Variants in MACROD2 observed in about 807,000 individuals in gnomAD.
MACROD2 encodes the protein ADP-ribose glycohydrolase MACROD2.
In MACROD2, 36 loss-of-function variants were observed where a neutral mutation model predicts 70.4. The ratio of observed to expected loss-of-function variants is 0.51; its 90% CI spans 0.39 to 0.68. MACROD2 has a LOEUF of 0.68. Among genes scored for constraint, MACROD2 ranks in the 30% least tolerant of loss-of-function variants. MACROD2 has a pLI of 0.00. For synonymous variants in MACROD2, 172 were observed against 178.8 expected (o/e 0.96, Z 0.30); for missense variants, 496 against 538.4 (o/e 0.92, Z 0.78).
intron 4 of MACROD2, among the ~76,000 whole-genome samples, chr20:14,620,451 T>C (rs975556874): frequency 1.3e-5 from 2 of 152,122 alleles, no homozygotes; most frequent in African/African-American, 4.8e-5. Flanking sequence ...CCAATTCTGA[T>C]AGGGAACATA....
intron 5 of MACROD2, among the ~76,000 whole-genome samples, chr20:15,111,242 G>T (rs2075953254): frequency 6.7e-6 from 1 of 149,204 alleles, no homozygotes; most frequent in South Asian, 2.1e-4. Flanking sequence ...GCGCAATCTC[G>T]GCTCACTGCA....
At position 15,268,622 on chromosome 20, in the gene MACROD2, C is replaced by T. The variant is rs139371730; in HGVS notation, c.540+38561C>T. On this transcript the variant is annotated intron_variant, in intron 6 of 17. Coordinates refer to ENST00000684519, the MANE Select transcript of MACROD2 (RefSeq NM_001351661.2). Reference sequence around the variant, plus strand: ...GGGCTGAGATTGCGCCACTGCACTCCAGCCTGGGTGACAGAGCGAGACTCA... The same window carrying T: ...GGGCTGAGATTGCGCCACTGCACTCTAGCCTGGGTGACAGAGCGAGACTCA... 1.4e-4 allele frequency among the ~76,000 whole-genome samples: 22 copies of T among 152,326 alleles called. No individual in the cohort carries two copies. The East Asian group carries it at 4.3e-3, about 29-fold the overall frequency.
At chr20:14,757,623 T>C in intron 5 of MACROD2, 1 of 1,193,498 alleles carries the variant, frequency 8.4e-7, no homozygotes, top group South Asian at 1.3e-5. Flanking sequence ...GAGGGAGTCA[T>C]GGTGGCCAAG....
intron 5 of MACROD2, among the ~76,000 whole-genome samples, chr20:14,860,780 C>A (rs1172689550): frequency 1.3e-5 from 2 of 152,054 alleles, no homozygotes; most frequent in African/African-American, 2.4e-5. Flanking sequence ...CTAGTGCCAG[C>A]AAATGAAATT....
intron 5 of MACROD2, among the ~76,000 whole-genome samples, chr20:14,745,916 G>A (rs2071793884): frequency 1.3e-5 from 2 of 152,106 alleles, no homozygotes. Context: ...GAATATGGAT[G>A]CAGTCCCTCC....
At chr20:14,034,312 T>C (rs1187028096) in intron 2 of MACROD2, among the ~76,000 whole-genome samples, 2 of 152,240 alleles carry the variant, frequency 1.3e-5, no homozygotes, top group South Asian at 4.1e-4. Context: ...TTGTCTGTCA[T>C]TGTATGGAAG....
intron 3 of MACROD2, among the ~76,000 whole-genome samples, chr20:14,489,878 A>G (rs1452055905): frequency 2.7e-5 from 4 of 150,644 alleles, no homozygotes; most frequent in Non-Finnish European, 1.5e-5. Flanking sequence ...TTTTTTTTTA[A>G]AAGACAGAGT....
chr20:14,337,814 G>T (rs1315589570), intron 3 of MACROD2, among the ~76,000 whole-genome samples: 3 of 152,134 alleles, frequency 2.0e-5, no homozygotes, highest in African/African-American at 7.2e-5. Context: ...GATGCCATTT[G>T]GTTTGTAGGC....
intron 5 of MACROD2, among the ~76,000 whole-genome samples, chr20:14,685,642 T>C (rs1444025639): frequency 6.6e-6 from 1 of 152,212 alleles, no homozygotes; most frequent in African/African-American, 2.4e-5. Context: ...GTCAGTGTCA[T>C]AGCTTTTTTA....
At chr20:15,281,657 GC>G (rs2077445773) in intron 6 of MACROD2, among the ~76,000 whole-genome samples, 2 of 152,220 alleles carry the variant, frequency 1.3e-5, no homozygotes, top group African/African-American at 4.8e-5. Context: ...ACAGCCCTAT[GC>G]CTTTGCAGGG....
rs965801177 is a variant in MACROD2 at position 15,261,081 on chromosome 20, A to G, written c.540+31020A>G. On this transcript the variant is annotated intron_variant, in intron 6 of 17. Coordinates refer to ENST00000684519, the MANE Select transcript of MACROD2 (RefSeq NM_001351661.2). ...GATTAGACATTTCCAAGCCCAGCTTAAGGCAACATCTAACCAGAAGAGCTC... is the reference window on the plus strand; with the variant it reads ...GATTAGACATTTCCAAGCCCAGCTTGAGGCAACATCTAACCAGAAGAGCTC... Among the ~76,000 whole-genome samples, 11 of 152,106 alleles carry G rather than the reference A, an allele frequency of 7.2e-5. No homozygotes were observed. In the East Asian group the frequency reaches 1.9e-3, roughly 27 times the overall value.
chr20:14,761,198 T>G (rs2072010866), intron 5 of MACROD2, among the ~76,000 whole-genome samples: 1 of 152,124 alleles, frequency 6.6e-6, no homozygotes, highest in South Asian at 2.1e-4. Flanking sequence ...GACATATAGA[T>G]ATTTGGGTAT....
At chr20:14,295,727 A>G (rs774650122) in intron 3 of MACROD2, among the ~76,000 whole-genome samples, 31 of 151,878 alleles carry the variant, frequency 2.0e-4, no homozygotes, top group Admixed American at 1.9e-3. Flanking sequence ...CTTCTGATGT[A>G]TTGTCATCTC....
chr20:15,694,412 C>T (rs140142490), intron 8 of MACROD2, among the ~76,000 whole-genome samples: 2,707 of 152,260 alleles, frequency 0.018, 86 homozygotes, highest in African/African-American at 0.063. Context: ...GCCATTCTTG[C>T]AGGAGTAAGG....
intron 6 of MACROD2, among the ~76,000 whole-genome samples, chr20:15,235,168 T>A (rs991509844): frequency 4.6e-5 from 7 of 152,198 alleles, no homozygotes; most frequent in African/African-American, 1.4e-4. Flanking sequence ...ATAGAGTAGA[T>A]GTTTTATTTT....
intron 3 of MACROD2, among the ~76,000 whole-genome samples, chr20:14,155,534 T>G (rs543190640): frequency 1.3e-5 from 2 of 152,332 alleles, no homozygotes; most frequent in East Asian, 3.9e-4. Flanking sequence ...TCCACAGACA[T>G]GACTGATTAA....
At chr20:14,610,858 A>G (rs778103290) in intron 4 of MACROD2, among the ~76,000 whole-genome samples, 89 of 152,230 alleles carry the variant, frequency 5.8e-4, no homozygotes, top group Non-Finnish European at 1.1e-3. Flanking sequence ...ATTCTTTGTC[A>G]TTATTAAGGT....
At chr20:14,425,905 AATATACCTTT>A (rs765585457) in intron 3 of MACROD2, among the ~76,000 whole-genome samples, 20 of 152,160 alleles carry the variant, frequency 1.3e-4, no homozygotes, top group Admixed American at 6.5e-5. Flanking sequence ...TGTATCTGAA[AATATACCTTT>A]TACTTTGTTG....
chr20:14,373,629 A>G (rs1020983698), intron 3 of MACROD2, among the ~76,000 whole-genome samples: 10 of 152,282 alleles, frequency 6.6e-5, no homozygotes, highest in African/African-American at 2.4e-4. Context: ...CCTTAAAGTA[A>G]TGCCTCAGAA....
Sources: gnomAD v4.1 joint callset for allele counts (sites outside exome capture counted in the v4.1 genomes callset) on GRCh38, gnomAD v4.1.1 for gene constraint, MANE v1.5 for transcripts, NCBI Gene and HGNC (gene_info 2026-07-23, HGNC 2026-07-21) for gene names.